The following DEPDC4 variants were observed in gnomAD, a reference collection of about 807,000 sequenced individuals.
DEPDC4 encodes the protein DEP domain containing 4, also known as DEP domain-containing protein 4.
Under a neutral mutation model 52.0 loss-of-function variants are expected in DEPDC4, and 52 were observed. The observed-to-expected ratio is 1.00, with a 90% CI of 0.80 to 1.26. The LOEUF (loss-of-function observed/expected upper bound fraction) is 1.26. DEPDC4 is among the 50% of genes most tolerant of loss of function. The pLI is 0.00. For missense variants in DEPDC4, 530 were observed against 546.9 expected (o/e 0.97, Z 0.31); for synonymous variants, 201 against 196.8 (o/e 1.02, Z -0.18).
rs2096196737 is a variant in DEPDC4 at position 100,248,918 on chromosome 12, C to T, written c.1435G>A (p.Asp479Asn). The T allele has an allele frequency of 1.1e-5, 11 of 985,498 alleles. No individual in the cohort carries two copies. In the South Asian group the frequency reaches 2.3e-4, roughly 21 times the overall value. The allele number at this position is 985,498 out of a possible 1,614,324, so 61.0% of individuals were successfully genotyped here. Residue 479 changes from aspartate (D) to asparagine (N), a missense_variant, in exon 8 of 10, where the codon GAT (aspartate) becomes AAT (asparagine). Physicochemically the swap from Asp to Asn is conservative, Grantham distance 23. Coordinates refer to ENST00000550587, the MANE Select transcript of DEPDC4 (RefSeq NM_001364818.2). ...TCCATACCTGATATGGCATCTGCAT[C>T]TTCTCCATGTAGAAGCTTCTTAAGT... ...KKLKKLLHGE[D>N]ADAISGMAEN...
chr12:100,244,134 T>TATAC (rs1403751762), intron 8 of DEPDC4, among the ~76,000 whole-genome samples: 54 of 121,812 alleles, frequency 4.4e-4, no homozygotes, highest in East Asian at 3.2e-3. Flanking sequence ...TATATATATA[T>TATAC]ACACAAAATA....
chr12:100,251,757 G>A (rs1378623505), intron 7 of DEPDC4, among the ~76,000 whole-genome samples: 9 of 152,056 alleles, frequency 5.9e-5, no homozygotes, highest in African/African-American at 9.7e-5. Flanking sequence ...TAGTAGAGAC[G>A]GGGTTTTGCC....
At chr12:100,242,213 A>G (rs1182406443) in intron 9 of DEPDC4, among the ~76,000 whole-genome samples, 19 of 151,956 alleles carry the variant, frequency 1.3e-4, no homozygotes, top group Admixed American at 1.2e-3. Context: ...CTGTCTTAGC[A>G]TGTACAGTCA....
Position 100,244,093 on chromosome 12 carries a change from G to A in DEPDC4, c.1454-1524C>T, listed in dbSNP as rs187145516. On this transcript the variant is annotated intron_variant, in intron 8 of 9. Transcript: ENST00000550587. Reference sequence around the variant, plus strand: ...TCCCTCTCTCTCTCTCTCTCTCTCTGTGTATATATATATATATATATATAT... The same window carrying A: ...TCCCTCTCTCTCTCTCTCTCTCTCTATGTATATATATATATATATATATAT... Among the ~76,000 whole-genome samples, 345 of 89,240 alleles carry A rather than the reference G, an allele frequency of 3.9e-3. 5 individuals are homozygous for A. Among genetic ancestry groups the A allele is most frequent in the South Asian group, 4.7e-3 (9 of 1,926 alleles). 58.5% of individuals were successfully genotyped at this position (89,240 alleles called of 152,430 possible). A position where few individuals can be genotyped will look rare whatever the true frequency, so the allele number is the denominator to read the frequency against.
chr12:100,233,707 T>C (rs371071955), intron 9 of DEPDC4, among the ~76,000 whole-genome samples: 1 of 152,206 alleles, frequency 6.6e-6, no homozygotes. Context: ...TTTTGGTTTT[T>C]GTGTTCCAAA....
At chr12:100,266,778 A>T in intron 1 of DEPDC4, 142 bp downstream of exon 1, 2 of 1,154,202 alleles carry the variant, frequency 1.7e-6, no homozygotes, top group South Asian at 1.6e-5. Context: ...CCCCCAGTCC[A>T]GTGCCTGGTA....
In DEPDC4 at chr12:100,267,017, G is replaced by C. The variant is rs2153927664; in HGVS notation, c.60C>G (p.Phe20Leu). ...ELMAVLLTPR[F>L]RRLVSQNELP... The stretch of plus-strand genomic sequence containing the variant: ...GCTCGTTCTGACTGACAAGTCTACG[G>C]AACCTCGGAGTCAAAAGAACCGCCA... The change falls in exon 1 of 10, where the codon TTC becomes TTG. Residue 20 changes from phenylalanine (F) to leucine (L), a missense_variant. Physicochemically the swap from Phe to Leu is conservative, Grantham distance 22. Transcript: ENST00000550587. 6.2e-7 allele frequency: 1 copy of C among 1,614,052 alleles called. No homozygotes were observed. The highest frequency in any genetic ancestry group is 8.5e-7 in the Non-Finnish European group (1 of 1,179,952).
the DEPDC4 span, among the ~76,000 whole-genome samples, chr12:100,273,810 G>A: frequency 6.6e-6 from 1 of 152,132 alleles, no homozygotes; most frequent in South Asian, 2.1e-4. Context: ...GTTAATTGCT[G>A]TAACTCTTTG....
chr12:100,256,497 T>C (rs139207918), intron 3 of DEPDC4, among the ~76,000 whole-genome samples: 1 of 152,242 alleles, frequency 6.6e-6, no homozygotes, highest in African/African-American at 2.4e-5. Context: ...AGGCCAACAT[T>C]AATTCTAAAT....
chr12:100,261,794 A>G (rs767400108), intron 3 of DEPDC4: 11 of 456,714 alleles, frequency 2.4e-5, no homozygotes, highest in Middle Eastern at 3.2e-4. Flanking sequence ...GGAGGGAGTC[A>G]ACACACTAAT....
At chr12:100,254,230 A>AT (rs1217072953) in intron 4 of DEPDC4, among the ~76,000 whole-genome samples, 1 of 149,078 alleles carries the variant, frequency 6.7e-6, no homozygotes, top group African/African-American at 2.5e-5. Context: ...TCCCTTTTCC[A>AT]TATCTGCTGC....
chr12:100,273,086 C>T, the DEPDC4 span, among the ~76,000 whole-genome samples: 2 of 152,076 alleles, frequency 1.3e-5, no homozygotes, highest in African/African-American at 2.4e-5. Context: ...ATATCTTTCA[C>T]TCTGCTTGAT....
At chr12:100,264,177 G>A (rs529067607) in intron 1 of DEPDC4, among the ~76,000 whole-genome samples, 4 of 152,188 alleles carry the variant, frequency 2.6e-5, no homozygotes, top group African/African-American at 4.8e-5. Flanking sequence ...TAGTTATACC[G>A]AATCTTCAAG....
the DEPDC4 span, among the ~76,000 whole-genome samples, chr12:100,275,506 A>G: frequency 1.3e-5 from 2 of 152,202 alleles, no homozygotes; most frequent in South Asian, 4.1e-4. Flanking sequence ...TAGAAATACA[A>G]TCTTTTCAAA....
chr12:100,281,949 G>A, the DEPDC4 span, among the ~76,000 whole-genome samples: 1 of 152,230 alleles, frequency 6.6e-6, no homozygotes, highest in East Asian at 1.9e-4. Context: ...CCTGTGAAAA[G>A]GGGTGGAAAA....
intron 6 of DEPDC4, 39 bp from the exon 7 acceptor site, chr12:100,252,340 T>C: frequency 6.6e-7 from 1 of 1,504,852 alleles, no homozygotes; most frequent in Non-Finnish European, 8.8e-7. Flanking sequence ...AAATGGTTTT[T>C]AGAGGAAAAA....
upstream of DEPDC4, chr12:100,267,849 C>T (rs11616137): frequency 0.032 from 4,954 of 152,698 alleles, 102 homozygotes; most frequent in African/African-American, 0.059. Context: ...GGTCACCAGC[C>T]AGGGCCCTGC....
chr12:100,267,095 A>T (rs201278046), upstream of DEPDC4: 1 of 1,609,396 alleles, frequency 6.2e-7, no homozygotes, highest in South Asian at 1.1e-5. Context: ...CCCACCTGAC[A>T]CCCGGGGCGG....
At chr12:100,254,534 T>C (rs1482351766) in intron 4 of DEPDC4, among the ~76,000 whole-genome samples, 1 of 151,960 alleles carries the variant, frequency 6.6e-6, no homozygotes, top group East Asian at 1.9e-4. Flanking sequence ...CTATGGTTGC[T>C]CAGGCTGGTC....
Sources: gnomAD v4.1 joint callset for allele counts (sites outside exome capture counted in the v4.1 genomes callset) on GRCh38, gnomAD v4.1.1 for gene constraint, MANE v1.5 for transcripts, NCBI Gene and HGNC (gene_info 2026-07-23, HGNC 2026-07-21) for gene names.